Variants in SAMD14 observed in about 807,000 individuals in gnomAD.
SAMD14 encodes sterile alpha motif domain containing 14.
SAMD14 carries 27 observed loss-of-function variants against 46.2 expected under a neutral mutation model. The ratio of observed to expected loss-of-function variants is 0.58; its 90% CI spans 0.43 to 0.81. The LOEUF (loss-of-function observed/expected upper bound fraction) is 0.81. SAMD14 is among the 30% of genes least tolerant of loss of function. The pLI is 0.00. For synonymous variants in SAMD14, 241 were observed against 254.3 expected (o/e 0.95, Z 0.50); for missense variants, 559 against 582.2 (o/e 0.96, Z 0.41).
At chr17:50,122,705 T>C (rs547236487) in intron 2 of SAMD14, among the ~76,000 whole-genome samples, 6 of 152,108 alleles carry the variant, frequency 3.9e-5, no homozygotes, top group Non-Finnish European at 7.4e-5. Context: ...AGGCTACTTC[T>C]TTAAATATGG....
At position 50,115,530 on chromosome 17, in the gene SAMD14, G is replaced by A. The variant is rs1281021657; in HGVS notation, c.822+34C>T. 2.0e-6 allele frequency: 3 copies of A among 1,510,176 alleles called. No homozygotes were observed. The highest frequency in any genetic ancestry group is 2.3e-5 in the East Asian group (1 of 43,742). 93.5% of individuals were successfully genotyped at this position (1,510,176 alleles called of 1,614,324 possible). A position where few individuals can be genotyped will look rare whatever the true frequency, so the allele number is the denominator to read the frequency against. On this transcript the variant is annotated intron_variant, in intron 7 of 9. Coordinates refer to ENST00000330175, the MANE Select transcript of SAMD14 (RefSeq NM_001257359.2). The surrounding 1 kb of genome is among the most constrained non-coding windows in gnomAD (Gnocchi z 5.3). ...CGCCCTCATGTCACCTGAGACTGGG[G>A]GCCAGTTTGGGGACAAGAAAGGCAT...
intron 1 of SAMD14, among the ~76,000 whole-genome samples, chr17:50,128,580 A>T (rs911837210): frequency 2.6e-5 from 4 of 151,770 alleles, no homozygotes; most frequent in African/African-American, 9.7e-5. Flanking sequence ...CCTTCCCCCC[A>T]AGGCTTCCAA....
intron 9 of SAMD14, chr17:50,113,327 C>T: frequency 4.8e-6 from 2 of 414,692 alleles, no homozygotes; most frequent in Non-Finnish European, 4.4e-6. Context: ...TTGGCCCGGA[C>T]CTGCCCAACC....
intron 1 of SAMD14, among the ~76,000 whole-genome samples, chr17:50,128,482 T>TCTCTCACA (rs550871572): frequency 3.7e-5 from 5 of 135,898 alleles, no homozygotes; most frequent in African/African-American, 1.4e-4. Flanking sequence ...GCACACTCTC[T>TCTCTCACA]CACACACACA....
At chr17:50,124,860 A>G (rs978535462) in intron 2 of SAMD14, 57 bp downstream of exon 2, 9 of 1,570,902 alleles carry the variant, frequency 5.7e-6, no homozygotes, top group Non-Finnish European at 7.9e-6. Flanking sequence ...GTGGCCCAGG[A>G]AGGAAGTACT....
intron 1 of SAMD14, among the ~76,000 whole-genome samples, chr17:50,127,527 G>C (rs1911834058): frequency 6.6e-6 from 1 of 151,614 alleles, no homozygotes; most frequent in Admixed American, 6.6e-5. Context: ...CTTGAAGCTG[G>C]GAGCCGGAGG....
chr17:50,117,659 G>C lies in SAMD14; in HGVS notation c.247C>G (p.Arg83Gly). Residue 83 changes from arginine to glycine, a missense_variant, in exon 4 of 10, where the codon CGC becomes GGC. By Grantham distance (125) the Arg-to-Gly change is moderately radical. Coordinates refer to ENST00000330175, the MANE Select transcript of SAMD14 (RefSeq NM_001257359.2). ...DGCGSPLHRL[R>G]SPLHSGPGSP... ...CCCGGGCCTGAGTGCAAAGGCGAGC[G>C]CAGCCGGTGCAGGGGGCTCCCGCAG... 1 of 1,541,336 alleles carries C rather than the reference G, an allele frequency of 6.5e-7. No individual in the cohort carries two copies. Among genetic ancestry groups the C allele is most frequent in the Non-Finnish European group, 8.7e-7 (1 of 1,154,910 alleles).
intron 2 of SAMD14, chr17:50,124,259 G>T: frequency 2.2e-6 from 1 of 446,904 alleles, no homozygotes; most frequent in Non-Finnish European, 4.5e-6. Flanking sequence ...TGATGGTACC[G>T]TGGTGTGTGC....
intron 7 of SAMD14, 156 bp from the exon 8 acceptor site, chr17:50,114,462 T>G: frequency 6.2e-7 from 1 of 1,605,244 alleles, no homozygotes; most frequent in African/African-American, 1.3e-5. Context: ...ACATGATAAC[T>G]CATGTCAGGC....
rs1026819558 is a variant in SAMD14, at chr17:50,117,902, C to G, written c.211-207G>C. 7 of 640,654 alleles carry G rather than the reference C, an allele frequency of 1.1e-5. 1 individual carries two copies. Among genetic ancestry groups the G allele is most frequent in the Non-Finnish European group, 1.7e-5 (7 of 406,208 alleles). 39.7% of individuals were successfully genotyped at this position (640,654 alleles called of 1,614,324 possible). A position where few individuals can be genotyped will look rare whatever the true frequency, so the allele number is the denominator to read the frequency against. On this transcript the variant is annotated intron_variant, in intron 3 of 9. Transcript: ENST00000330175. ...TCACACAGGCTGGGGCTGAATTCCC[C>G]CTCCTTCACTTACTGTGACTTTGCT...
chr17:50,114,273 T>C lies in SAMD14; in HGVS notation c.856A>G (p.Ser286Gly). The C allele has an allele frequency of 2.5e-6, 4 of 1,613,970 alleles. No individual in the cohort carries two copies. The highest frequency in any genetic ancestry group is 2.2e-5 in the East Asian group (1 of 44,882). ...STLSDDSTPP[S>G]SSPKIPSGPW... ...CCACTGGGGATCTTGGGGCTGCTGC[T>C]GGGGGGCGTGGAGTCATCACTCAGA... The change falls in exon 8 of 10, where the codon AGC (serine) becomes GGC (glycine). Residue 286 changes from serine to glycine, a missense_variant. Coordinates refer to ENST00000330175, the MANE Select transcript of SAMD14 (RefSeq NM_001257359.2).
At chr17:50,124,208 T>G (rs1911638623) in intron 2 of SAMD14, 1 of 456,050 alleles carries the variant, frequency 2.2e-6, no homozygotes, top group African/African-American at 2.0e-5. Flanking sequence ...TGGGGTGGTT[T>G]CTTTCTCCAG....
rs116855691 is a variant in SAMD14 at position 50,125,821 on chromosome 17, G to C, written c.-12-850C>G. Among the ~76,000 whole-genome samples, 845 of 152,312 alleles carry C rather than the reference G, an allele frequency of 5.5e-3. 1 individual carries two copies. Among genetic ancestry groups the C allele is most frequent in the Non-Finnish European group, 8.8e-3 (598 of 68,032 alleles). On this transcript the variant is annotated intron_variant, in intron 1 of 9. Transcript: ENST00000330175. ...TTGACAGACTCATAGATGTAGGAGG[G>C]TACGAGGAATACACACAGCACACAA...
In SAMD14 at chr17:50,118,186, TCAC is replaced by T; in HGVS notation, c.182_184del (p.Gly61del). 1 of 1,606,206 alleles carries T rather than the reference TCAC, an allele frequency of 6.2e-7. No homozygotes were observed. Among genetic ancestry groups the T allele is most frequent in the Non-Finnish European group, 8.5e-7 (1 of 1,174,476 alleles). ...CTTGCCTCCGGGCCCATCCGAGCCT[TCAC>T]CATCCTCCGCGGAGCTGGCACTGTC... is the stretch of plus-strand genomic sequence containing the variant. On this transcript the variant is annotated inframe_deletion, in exon 3 of 10. Coordinates refer to ENST00000330175, the MANE Select transcript of SAMD14 (RefSeq NM_001257359.2).
chr17:50,117,525 G>T lies in SAMD14; in HGVS notation c.381C>A (p.Asn127Lys), dbSNP rs765569357. ...CGGCCAGGCCCTCGTGCGACGCAGC[G>T]TTGTGCAGGGGCCGGTAGCGTGTGA... The part of the protein sequence containing the change: ...SPLTRYRPLH[N>K]AASHEGLAAA... The change falls in exon 4 of 10, where the codon AAC (asparagine) becomes AAA (lysine). Residue 127 changes from asparagine (N) to lysine (K), a missense_variant. By Grantham distance (94) the Asn-to-Lys change is moderately conservative. Transcript: ENST00000330175. The T allele has an allele frequency of 4.6e-6, 7 of 1,526,438 alleles. No individual in the cohort carries two copies. The East Asian group carries it at 1.9e-4, about 41-fold the overall frequency. 94.6% of individuals were successfully genotyped at this position (1,526,438 alleles called of 1,614,324 possible).
intron 1 of SAMD14, chr17:50,125,414 G>A (rs1911720096): frequency 5.7e-6 from 1 of 175,560 alleles, no homozygotes. Flanking sequence ...TACAAATGAA[G>A]AAACAGAAGG....
intron 4 of SAMD14, among the ~76,000 whole-genome samples, chr17:50,116,886 T>G (rs932331243): frequency 2.6e-5 from 4 of 151,914 alleles, no homozygotes; most frequent in African/African-American, 9.7e-5. Context: ...TTTGATTGGG[T>G]TTTTGTTTTG....
At position 50,115,516 on chromosome 17, in the gene SAMD14, C is replaced by T. The variant is rs1255146960; in HGVS notation, c.822+48G>A. 2.1e-5 allele frequency: 32 copies of T among 1,506,560 alleles called. No homozygotes were observed. Among genetic ancestry groups the T allele is most frequent in the Non-Finnish European group, 2.6e-5 (29 of 1,125,456 alleles). The allele number at this position is 1,506,560 out of a possible 1,614,324, so 93.3% of individuals were successfully genotyped here. A position where few individuals can be genotyped will look rare whatever the true frequency, so the allele number is the denominator to read the frequency against. On this transcript the variant is annotated intron_variant, in intron 7 of 9. Coordinates refer to ENST00000330175, the MANE Select transcript of SAMD14 (RefSeq NM_001257359.2). The surrounding 1 kb of genome is among the most constrained non-coding windows in gnomAD (Gnocchi z 5.3). The stretch of plus-strand genomic sequence containing the variant: ...GCCAAGGTGAAGTACGCCCTCATGT[C>T]ACCTGAGACTGGGGGCCAGTTTGGG...
chr17:50,124,782 C>CAA, intron 2 of SAMD14, 135 bp downstream of exon 2: 1 of 781,518 alleles, frequency 1.3e-6, no homozygotes. Context: ...CACACACACA[C>CAA]ACACACACAC....
Sources: allele counts gnomAD v4.1 joint callset (sites outside exome capture counted in the v4.1 genomes callset), GRCh38; gene constraint gnomAD v4.1.1; non-coding constraint Gnocchi (gnomAD v3.1); transcripts MANE v1.5; gene names NCBI Gene and HGNC (gene_info 2026-07-23, HGNC 2026-07-21).